ABCC8: variants seen among roughly 807,000 people sequenced by gnomAD.
ABCC8 encodes the protein ATP-binding cassette sub-family C member 8.
A neutral mutation model predicts 188.0 loss-of-function variants in ABCC8; 137 were observed. The ratio of observed to expected loss-of-function variants is 0.73; its 90% CI spans 0.63 to 0.84. The LOEUF is 0.84. Ranked by LOEUF, ABCC8 falls within the 40% of genes least tolerant of loss-of-function variation. The probability of loss-of-function intolerance (pLI) is 0.00; values close to 1 mark genes in which losing one functional copy is unlikely to be tolerated. For synonymous variants in ABCC8, 797 were observed against 846.5 expected (o/e 0.94, Z 1.01); for missense variants, 1,750 against 2,072.7 (o/e 0.84, Z 3.02).
chr11:17,446,191 C>T (rs1223169831), intron 8 of ABCC8, among the ~76,000 whole-genome samples: 1 of 152,094 alleles, frequency 6.6e-6, no homozygotes, highest in African/African-American at 2.4e-5. Context: ...GTCTCGAACT[C>T]CTGACCTCAG....
At chr11:17,463,372 C>T in intron 4 of ABCC8, 66 bp downstream of exon 4, 4 of 1,387,882 alleles carry the variant, frequency 2.9e-6, no homozygotes, top group South Asian at 2.5e-5. Context: ...GGGGCCTGAA[C>T]CCAGGGCAGG....
chr11:17,424,943 T>A (rs546218529), intron 16 of ABCC8, among the ~76,000 whole-genome samples: 5 of 152,196 alleles, frequency 3.3e-5, no homozygotes, highest in Non-Finnish European at 1.5e-5. Context: ...GAGATCATGT[T>A]GACAATGCAC....
chr11:17,441,652 C>T (rs1197992698), intron 10 of ABCC8, among the ~76,000 whole-genome samples: 1 of 152,096 alleles, frequency 6.6e-6, no homozygotes, highest in African/African-American at 2.4e-5. Flanking sequence ...GGGATGGGTC[C>T]ACGGAGCCAC....
intron 2 of ABCC8, 115 bp downstream of exon 2, chr11:17,474,771 T>G (rs1399677675): frequency 2.5e-6 from 3 of 1,176,484 alleles, no homozygotes; most frequent in African/African-American, 1.5e-5. Context: ...AGCTGCTGGA[T>G]GTAGTAACAA....
chr11:17,471,466 CA>C (rs1456493093), intron 2 of ABCC8, among the ~76,000 whole-genome samples: 1 of 152,142 alleles, frequency 6.6e-6, no homozygotes, highest in Non-Finnish European at 1.5e-5. Context: ...GGCTGTCCAC[CA>C]AAGAGTATCT....
At chr11:17,459,431 T>C (rs1410242906) in intron 6 of ABCC8, among the ~76,000 whole-genome samples, 1 of 152,184 alleles carries the variant, frequency 6.6e-6, no homozygotes, top group East Asian at 1.9e-4. Context: ...ACTCAACGTA[T>C]CTCATATCTG....
At chr11:17,392,862 C>T (rs118074339), downstream of ABCC8, 7,105 of 1,161,902 alleles carry the variant, frequency 6.1e-3, 32 homozygotes, top group Non-Finnish European at 7.9e-3. Context: ...CCAGCCCCTG[C>T]CCACCAGACT....
intron 33 of ABCC8, chr11:17,396,141 T>A: frequency 8.4e-7 from 1 of 1,190,960 alleles, no homozygotes; most frequent in Non-Finnish European, 1.2e-6. Context: ...GGCACGCAAG[T>A]GCAGGCATGG....
chr11:17,409,368 A>G (rs1220029186), intron 22 of ABCC8, among the ~76,000 whole-genome samples: 1 of 152,126 alleles, frequency 6.6e-6, no homozygotes, highest in Non-Finnish European at 1.5e-5. Context: ...CTGGGGTTCA[A>G]GGGGCTCGAG....
At chr11:17,412,578 A>G in intron 21 of ABCC8, 88 bp downstream of exon 21, 1 of 1,494,250 alleles carries the variant, frequency 6.7e-7, no homozygotes, top group Admixed American at 1.9e-5. Context: ...AGATTGTTGG[A>G]TGATGGTGGG....
At chr11:17,402,458 T>C (rs570342747) in intron 29 of ABCC8, among the ~76,000 whole-genome samples, 39 of 152,292 alleles carry the variant, frequency 2.6e-4, no homozygotes, top group Middle Eastern at 6.8e-3. Flanking sequence ...GAGCTGGAAT[T>C]TTCCTCTCTA....
rs373478721 is a variant in ABCC8 at position 17,395,678 on chromosome 11, C to A, written c.4239G>T (p.Pro1413=). 1.3e-4 allele frequency: 204 copies of A among 1,560,390 alleles called. No individual in the cohort carries two copies. Among genetic ancestry groups the A allele is most frequent in the Non-Finnish European group, 1.7e-4 (195 of 1,152,062 alleles). The part of the protein sequence containing the change: ...IIDGIDIAKL[P]LHTLRSRLSI... Reference sequence around the variant, plus strand: ...AGAGGCGTGAGCGCAGGGTGTGCAGCGGCAGTTTGGCGATGTCAATGCCAT... The same window carrying A: ...AGAGGCGTGAGCGCAGGGTGTGCAGAGGCAGTTTGGCGATGTCAATGCCAT... Residue 1413 remains proline, a synonymous_variant, in exon 35 of 39, where the codon CCG becomes CCT. Coordinates refer to ENST00000389817, the MANE Select transcript of ABCC8 (RefSeq NM_000352.6).
At chr11:17,473,390 T>G (rs1848583623) in intron 2 of ABCC8, among the ~76,000 whole-genome samples, 1 of 152,066 alleles carries the variant, frequency 6.6e-6, no homozygotes, top group Non-Finnish European at 1.5e-5. Flanking sequence ...AGCAGGTATT[T>G]TAGAGATCAC....
intron 7 of ABCC8, among the ~76,000 whole-genome samples, chr11:17,450,403 C>CT (rs71885763): frequency 0.02 from 911 of 44,844 alleles, 98 homozygotes; most frequent in African/African-American, 0.057. Context: ...TCTTTCTTTC[C>CT]TTTTTTTTTT....
At chr11:17,415,966 TTC>T (rs1210239756) in intron 17 of ABCC8, among the ~76,000 whole-genome samples, 1 of 152,242 alleles carries the variant, frequency 6.6e-6, no homozygotes, top group African/African-American at 2.4e-5. Context: ...GTGTCAAATA[TTC>T]TGCCACTCTG....
At chr11:17,471,049 C>T (rs751608899) in intron 2 of ABCC8, among the ~76,000 whole-genome samples, 12 of 152,260 alleles carry the variant, frequency 7.9e-5, no homozygotes, top group Non-Finnish European at 1.5e-4. Context: ...TTTATCAGAT[C>T]TGCCCAGCCT....
intron 6 of ABCC8, 36 bp from the exon 7 acceptor site, chr11:17,453,319 G>A (rs1171870893): frequency 5.0e-6 from 8 of 1,612,362 alleles, no homozygotes; most frequent in Non-Finnish European, 6.8e-6. Flanking sequence ...GACTGTCATT[G>A]CCAGCAAAAT....
chr11:17,443,488 AAGG>A lies in ABCC8; in HGVS notation c.1333-179_1333-177del, dbSNP rs1422285133. On this transcript the variant is annotated intron_variant, in intron 8 of 38. Transcript: ENST00000389817. ...AGGAGGAGAAACAAAGCAATTTCAA[AAGG>A]AGGTTAGCATAATGGGCTCTCATGC... 4.9e-6 allele frequency: 5 copies of A among 1,028,976 alleles called. No homozygotes were observed. In the African/African-American group the frequency reaches 8.0e-5, roughly 16 times the overall value. 63.7% of individuals were successfully genotyped at this position (1,028,976 alleles called of 1,614,324 possible).
At chr11:17,464,236 C>T (rs1848007459) in intron 3 of ABCC8, among the ~76,000 whole-genome samples, 2 of 152,214 alleles carry the variant, frequency 1.3e-5, no homozygotes, top group Admixed American at 1.3e-4. Flanking sequence ...TGTGACCTTG[C>T]CCAAGTGCAC....
Sources: allele counts gnomAD v4.1 joint callset (sites outside exome capture counted in the v4.1 genomes callset), GRCh38; gene constraint gnomAD v4.1.1; transcripts MANE v1.5; gene names NCBI Gene and HGNC (gene_info 2026-07-23, HGNC 2026-07-21).